Variants in ZMYND8 observed in about 807,000 individuals in gnomAD.
ZMYND8 encodes the protein zinc finger MYND-type containing 8, also known as MYND-type zinc finger-containing chromatin reader ZMYND8.
A neutral mutation model predicts 140.8 loss-of-function variants in ZMYND8; 37 were observed. The ratio of observed to expected loss-of-function variants is 0.26; its 90% CI spans 0.20 to 0.35. The LOEUF is 0.35. Ranked by LOEUF, ZMYND8 falls within the 10% of genes least tolerant of loss-of-function variation. The pLI, the probability that ZMYND8 is intolerant of heterozygous loss-of-function variation, is 1.00. For missense variants in ZMYND8, 1,068 were observed against 1,570.0 expected (o/e 0.68, Z 5.40); for synonymous variants, 592 against 597.1 (o/e 0.99, Z 0.12).
chr20:47,333,823 G>A (rs780678245), intron 2 of ZMYND8, among the ~76,000 whole-genome samples: 7 of 147,014 alleles, frequency 4.8e-5, no homozygotes, highest in African/African-American at 7.5e-5. Flanking sequence ...CAGGAGAATC[G>A]CTTGAACCAG....
At chr20:47,352,180 G>C (rs917364653) in intron 1 of ZMYND8, among the ~76,000 whole-genome samples, 7 of 152,138 alleles carry the variant, frequency 4.6e-5, no homozygotes, top group South Asian at 2.1e-4. Flanking sequence ...GAGGAAGCCC[G>C]GTCCCCCTTC....
In ZMYND8 at chr20:47,256,815, T is replaced by G. The variant is rs191162805; in HGVS notation, c.1621+5473A>C. ...CAAAAAGAAAGGATGCCTCCTGTCA[T>G]TAACAGTGGAGAAATAAACAGAAAG... On this transcript the variant is annotated intron_variant, in intron 12 of 22. Transcript: ENST00000471951. Among the ~76,000 whole-genome samples the G allele has an allele frequency of 7.3e-3, 1,113 of 152,226 alleles. 18 individuals carry two copies. Among genetic ancestry groups the G allele is most frequent in the African/African-American group, 0.025 (1,045 of 41,548 alleles).
intron 11 of ZMYND8, among the ~76,000 whole-genome samples, chr20:47,272,129 G>A (rs2075990062): frequency 6.6e-6 from 1 of 151,692 alleles, no homozygotes; most frequent in African/African-American, 2.4e-5. Context: ...CCAGGCTGGA[G>A]TGCAGTGGTG....
At chr20:47,290,324 C>T in intron 6 of ZMYND8, 50 bp from the exon 7 acceptor site, 1 of 1,519,336 alleles carries the variant, frequency 6.6e-7, no homozygotes, top group African/African-American at 1.4e-5. Context: ...AGACAAGCCA[C>T]AGTCAGTGAC....
chr20:47,220,316 G>C lies in ZMYND8; in HGVS notation c.3426C>G (p.Asp1142Glu). 6.4e-7 allele frequency: 1 copy of C among 1,559,598 alleles called. No individual in the cohort carries two copies. The highest frequency in any genetic ancestry group is 8.7e-7 in the Non-Finnish European group (1 of 1,150,984). The change falls in exon 21 of 23, where the codon GAC becomes GAG. Residue 1142 changes from aspartate (D) to glutamate (E), a missense_variant. By Grantham distance (45) the Asp-to-Glu change is conservative. Around this residue, in one of 10 missense-constraint regions of ZMYND8, gnomAD observed 180 missense variants for 187.8 expected, o/e 0.96. Coordinates refer to ENST00000471951, the MANE Select transcript of ZMYND8 (RefSeq NM_001281775.3). The part of the protein sequence containing the change: ...EKSKESGSTL[D>E]LSGSRETPSS... ...AGGGCGTCTCTCTGGAGCCAGAAAG[G>C]TCAAGGGTCTAGAAATACAAAAAGA... is the stretch of plus-strand genomic sequence containing the variant.
Position 47,310,204 on chromosome 20 carries a change from T to C in ZMYND8, c.86A>G (p.Asp29Gly). 6.2e-7 allele frequency: 1 copy of C among 1,601,378 alleles called. No homozygotes were observed. Among genetic ancestry groups the C allele is most frequent in the Non-Finnish European group, 8.5e-7 (1 of 1,176,692 alleles). The change falls in exon 3 of 23, where the codon GAT (aspartate) becomes GGT (glycine). Residue 29 changes from aspartate to glycine, a missense_variant and splice_region_variant. Around this residue, in one of 10 missense-constraint regions of ZMYND8, gnomAD observed 77 missense variants for 85.1 expected, o/e 0.91. Transcript: ENST00000471951. ...GGCTGTTCTCTCTGCAGAGCCAGGA[T>C]CTGAAAGAGATACAGGACCACAGGT... ...EGMDISTRSKDPGSAERTAQK... is the reference protein window; with the variant it reads ...EGMDISTRSKGPGSAERTAQK...
chr20:47,338,244 G>A (rs749962595), intron 2 of ZMYND8, among the ~76,000 whole-genome samples: 12 of 152,006 alleles, frequency 7.9e-5, no homozygotes, highest in African/African-American at 1.4e-4. Flanking sequence ...AGGAGGCTCC[G>A]GGCTGGCTCT....
chr20:47,269,005 G>A lies in ZMYND8; in HGVS notation c.1481-6577C>T, dbSNP rs141929044. ...CATCTGAGGTCAGGAGTTCGAGACC[G>A]GCCTGGCCAACATGGCAAAACCGCT... On this transcript the variant is annotated intron_variant, in intron 11 of 22. Coordinates refer to ENST00000471951, the MANE Select transcript of ZMYND8 (RefSeq NM_001281775.3). Among the ~76,000 whole-genome samples the A allele has an allele frequency of 5.9e-3, 903 of 152,064 alleles. 44 individuals are homozygous for A. In the East Asian group the frequency reaches 0.13, roughly 21 times the overall value.
In ZMYND8 at chr20:47,209,630, T is replaced by C. The variant is rs1280020086; in HGVS notation, c.*1131A>G. 6.6e-6 allele frequency: 1 copy of C among 152,604 alleles called. No homozygotes were observed. Among genetic ancestry groups the C allele is most frequent in the East Asian group, 1.9e-4 (1 of 5,202 alleles). The allele number at this position is 152,604 out of a possible 1,614,324, so 9.5% of individuals were successfully genotyped here. A position where few individuals can be genotyped will look rare whatever the true frequency, so the allele number is the denominator to read the frequency against. On this transcript the variant is annotated 3_prime_UTR_variant, in exon 23 of 23. Coordinates refer to ENST00000471951, the MANE Select transcript of ZMYND8 (RefSeq NM_001281775.3). ...AAATGTACAACAAAACGTACTGGAA[T>C]GATATCGTACAATTAATTTTCTCAT... is the stretch of plus-strand genomic sequence containing the variant.
chr20:47,218,606 A>G (rs1196014581), intron 21 of ZMYND8, among the ~76,000 whole-genome samples: 1 of 152,242 alleles, frequency 6.6e-6, no homozygotes, highest in East Asian at 1.9e-4. Flanking sequence ...GCTAAAATCT[A>G]GAGTCTGCTC....
intron 14 of ZMYND8, among the ~76,000 whole-genome samples, chr20:47,239,340 G>A (rs140486832): frequency 7.6e-4 from 116 of 152,314 alleles, no homozygotes; most frequent in Admixed American, 5.8e-3. Flanking sequence ...CCATCTCCGC[G>A]AGCAGCGGCC....
At chr20:47,277,981 G>GT (rs1212668525) in intron 10 of ZMYND8, among the ~76,000 whole-genome samples, 3 of 151,778 alleles carry the variant, frequency 2.0e-5, no homozygotes, top group Non-Finnish European at 2.9e-5. Flanking sequence ...TTTTTTGCTT[G>GT]TTTTTTTAAG....
At chr20:47,351,849 C>G (rs759455360) in intron 1 of ZMYND8, 3 of 985,246 alleles carry the variant, frequency 3.0e-6, no homozygotes, top group Non-Finnish European at 3.6e-6. Context: ...TTTAAGCAGC[C>G]CTGCGAGTTT....
chr20:47,324,530 TA>T (rs2080252669), intron 2 of ZMYND8, among the ~76,000 whole-genome samples: 1 of 151,776 alleles, frequency 6.6e-6, no homozygotes. Flanking sequence ...AATAAAAAAG[TA>T]AATAAAAACC....
chr20:47,350,328 GAAAAAAAAAA>G (rs3084684), intron 1 of ZMYND8, among the ~76,000 whole-genome samples: 18 of 93,250 alleles, frequency 1.9e-4, no homozygotes, highest in Admixed American at 9.1e-4. Flanking sequence ...ATTAAAAGGA[GAAAAAAAAAA>G]AAAAAAAAAA....
chr20:47,253,465 A>C (rs2074347151), intron 12 of ZMYND8, among the ~76,000 whole-genome samples: 1 of 146,202 alleles, frequency 6.8e-6, no homozygotes, highest in African/African-American at 2.5e-5. Context: ...TGAACCCAGG[A>C]GGAGGAGCCT....
At chr20:47,324,007 T>C (rs180868371) in intron 2 of ZMYND8, among the ~76,000 whole-genome samples, 185 of 151,120 alleles carry the variant, frequency 1.2e-3, no homozygotes, top group Non-Finnish European at 2.0e-3. Flanking sequence ...GAGACCATCC[T>C]GGCCAACATG....
rs554290848 is a variant in ZMYND8, at chr20:47,224,234, C to G, written c.3256+83G>C. ...CCAGGCAAGCTCCCTTGACAATTAGCCCTGAGACCCCTGAAGTCCACAGGG... is the reference window on the plus strand; with the variant it reads ...CCAGGCAAGCTCCCTTGACAATTAGGCCTGAGACCCCTGAAGTCCACAGGG... On this transcript the variant is annotated intron_variant, in intron 19 of 22. Transcript: ENST00000471951. The G allele has an allele frequency of 5.3e-5, 84 of 1,575,042 alleles. No individual in the cohort carries two copies. The African/African-American group carries it at 1.0e-3, about 19-fold the overall frequency.
chr20:47,328,267 A>G (rs762637221), intron 2 of ZMYND8, among the ~76,000 whole-genome samples: 4 of 152,196 alleles, frequency 2.6e-5, no homozygotes, highest in Admixed American at 6.6e-5. Context: ...TAGGTATTGC[A>G]TAAGTTTTTT....
Sources: gnomAD v4.1 joint callset for allele counts (sites outside exome capture counted in the v4.1 genomes callset) on GRCh38, gnomAD v4.1.1 for gene constraint, gnomAD v4.1.1 regional missense constraint, MANE v1.5 for transcripts, NCBI Gene and HGNC (gene_info 2026-07-23, HGNC 2026-07-21) for gene names.